The following GALNT18 variants were observed in gnomAD, a reference collection of about 807,000 sequenced individuals.
The protein encoded by GALNT18 is polypeptide N-acetylgalactosaminyltransferase 18, also known as GalNAc-transferase 18.
A neutral mutation model predicts 69.5 loss-of-function variants in GALNT18; 44 were observed. The observed-to-expected ratio is 0.63, with a 90% CI of 0.50 to 0.81. The LOEUF (loss-of-function observed/expected upper bound fraction) is 0.81. Among genes scored for constraint, GALNT18 ranks in the 40% least tolerant of loss-of-function variants. GALNT18 has a pLI of 0.00. For synonymous variants in GALNT18, 364 were observed against 318.2 expected (o/e 1.14, Z -1.53); for missense variants, 715 against 810.0 (o/e 0.88, Z 1.42).
chr11:11,484,922 C>T (rs1006655319), intron 1 of GALNT18, among the ~76,000 whole-genome samples: 4 of 152,196 alleles, frequency 2.6e-5, no homozygotes, highest in Admixed American at 6.5e-5. Context: ...CAGGCAGCCG[C>T]GACATGAGCT....
In GALNT18 at chr11:11,356,140, G is replaced by A. The variant is rs1850525101; in HGVS notation, c.1093-15136C>T. On this transcript the variant is annotated intron_variant, in intron 6 of 10. Transcript: ENST00000227756. The surrounding 1 kb of genome is among the most constrained non-coding windows in gnomAD (Gnocchi z 4.4). Reference sequence around the variant, plus strand: ...TTGCTTTACAAAGCCAAGAACATTTGTATTTGGAGATGCCCCTGACCCCTC... The same window carrying A: ...TTGCTTTACAAAGCCAAGAACATTTATATTTGGAGATGCCCCTGACCCCTC... 6.6e-6 allele frequency among the ~76,000 whole-genome samples: 1 copy of A among 152,190 alleles called. No homozygotes were observed. The highest frequency in any genetic ancestry group is 1.5e-5 in the Non-Finnish European group (1 of 68,032).
At chr11:11,423,567 A>G (rs1291523713) in intron 3 of GALNT18, among the ~76,000 whole-genome samples, 1 of 152,220 alleles carries the variant, frequency 6.6e-6, no homozygotes, top group Non-Finnish European at 1.5e-5. Context: ...TGAGGCTAGG[A>G]CACAGACACA....
chr11:11,452,116 C>G (rs1855813936), intron 1 of GALNT18, among the ~76,000 whole-genome samples: 1 of 152,192 alleles, frequency 6.6e-6, no homozygotes, highest in Non-Finnish European at 1.5e-5. Flanking sequence ...TTTTCCCGAG[C>G]CCTGTCTGCC....
chr11:11,536,121 C>T (rs1285168486), intron 1 of GALNT18, among the ~76,000 whole-genome samples: 1 of 152,162 alleles, frequency 6.6e-6, no homozygotes, highest in African/African-American at 2.4e-5. Flanking sequence ...GGGGCCTGTA[C>T]AGGAAATGAC....
intron 1 of GALNT18, among the ~76,000 whole-genome samples, chr11:11,585,459 G>A (rs1859192196): frequency 6.6e-6 from 1 of 151,030 alleles, no homozygotes; most frequent in Non-Finnish European, 1.5e-5. Flanking sequence ...AGGTTCAAAC[G>A]ATTTTCCTGC....
intron 2 of GALNT18, among the ~76,000 whole-genome samples, chr11:11,445,792 G>A (rs1424155769): frequency 6.6e-6 from 1 of 152,214 alleles, no homozygotes; most frequent in Non-Finnish European, 1.5e-5. Flanking sequence ...AAGTTGCTTG[G>A]TGCCACGGGG....
chr11:11,513,468 G>A (rs979495121), intron 1 of GALNT18, among the ~76,000 whole-genome samples: 5 of 152,162 alleles, frequency 3.3e-5, no homozygotes, highest in African/African-American at 1.2e-4. Flanking sequence ...CAAAGACGTG[G>A]GTTGTCCTTC....
Position 11,338,780 on chromosome 11 carries a change from G to A in GALNT18, c.1278+2039C>T, listed in dbSNP as rs550621429. Among the ~76,000 whole-genome samples, 492 of 152,208 alleles carry A rather than the reference G, an allele frequency of 3.2e-3. 2 individuals are homozygous for A. Among genetic ancestry groups the A allele is most frequent in the African/African-American group, 0.011 (471 of 41,522 alleles). The stretch of plus-strand genomic sequence containing the variant: ...TAGATGATATTACCCAGGGAGATGC[G>A]GAATAATGAGAGCAGTCTGCCAAGG... On this transcript the variant is annotated intron_variant, in intron 7 of 10. Coordinates refer to ENST00000227756, the MANE Select transcript of GALNT18 (RefSeq NM_198516.3). This position sits in a 1 kb window ranked among gnomAD's most constrained non-coding sequence, Gnocchi z 5.3.
intron 1 of GALNT18, among the ~76,000 whole-genome samples, chr11:11,589,072 A>C (rs997774832): frequency 2.0e-5 from 3 of 152,198 alleles, no homozygotes; most frequent in African/African-American, 7.2e-5. Flanking sequence ...GGAAGAAAAT[A>C]AACTGACTCT....
rs922532940 is a variant in GALNT18, at chr11:11,497,690, G to T, written c.236-48754C>A. Reference sequence around the variant, plus strand: ...GAGCAGCTAATAGGGTAAGCAAAAAGTTTAAAGCAGGAATCACTGAAATTG... The same window carrying T: ...GAGCAGCTAATAGGGTAAGCAAAAATTTTAAAGCAGGAATCACTGAAATTG... On this transcript the variant is annotated intron_variant, in intron 1 of 10. Coordinates refer to ENST00000227756, the MANE Select transcript of GALNT18 (RefSeq NM_198516.3). This position sits in a 1 kb window ranked among gnomAD's most constrained non-coding sequence, Gnocchi z 4.2. Among the ~76,000 whole-genome samples, 1 of 151,072 alleles carries T rather than the reference G, an allele frequency of 6.6e-6. No individual in the cohort carries two copies. Among genetic ancestry groups the T allele is most frequent in the Admixed American group, 6.6e-5 (1 of 15,140 alleles).
intron 9 of GALNT18, among the ~76,000 whole-genome samples, chr11:11,311,268 T>A (rs1849669811): frequency 6.6e-6 from 1 of 152,142 alleles, no homozygotes. Flanking sequence ...GCAAGGGACA[T>A]CATAGGAAAA....
intron 6 of GALNT18, among the ~76,000 whole-genome samples, chr11:11,365,306 T>A (rs12789760): frequency 0.24 from 36,395 of 152,010 alleles, 4,912 homozygotes; most frequent in Middle Eastern, 0.31. Context: ...TTCATCCATG[T>A]CCCCACAAAG....
chr11:11,277,310 C>T (rs1196685051), intron 10 of GALNT18, among the ~76,000 whole-genome samples: 1 of 152,104 alleles, frequency 6.6e-6, no homozygotes, highest in Non-Finnish European at 1.5e-5. Context: ...GAGGTGTTTA[C>T]AGTATTCTGA....
intron 5 of GALNT18, among the ~76,000 whole-genome samples, chr11:11,374,694 A>G (rs11827640): frequency 0.26 from 39,367 of 152,234 alleles, 5,319 homozygotes; most frequent in Middle Eastern, 0.47. Context: ...AGCATGAAAG[A>G]GTTATCGATT....
intron 6 of GALNT18, among the ~76,000 whole-genome samples, chr11:11,346,439 A>G (rs1335750956): frequency 6.6e-6 from 1 of 152,250 alleles, no homozygotes; most frequent in African/African-American, 2.4e-5. Context: ...ATTTTACTGA[A>G]CACAATGACT....
rs574882170 is a variant in GALNT18, at chr11:11,619,568, A to G, written c.235+1791T>C. ...CTTGCTCACCTCCTGCCTGACCAGAAAGAAAAGCACAAGAGAATCATTTTC... is the reference window on the plus strand; with the variant it reads ...CTTGCTCACCTCCTGCCTGACCAGAGAGAAAAGCACAAGAGAATCATTTTC... On this transcript the variant is annotated intron_variant, in intron 1 of 10. Transcript: ENST00000227756. This position sits in a 1 kb window ranked among gnomAD's most constrained non-coding sequence, Gnocchi z 4.9. Among the ~76,000 whole-genome samples, 1 of 152,242 alleles carries G rather than the reference A, an allele frequency of 6.6e-6. No individual in the cohort carries two copies. Among genetic ancestry groups the G allele is most frequent in the East Asian group, 1.9e-4 (1 of 5,176 alleles).
chr11:11,388,706 A>T (rs1854110643), intron 3 of GALNT18, among the ~76,000 whole-genome samples: 1 of 152,104 alleles, frequency 6.6e-6, no homozygotes, highest in Admixed American at 6.6e-5. Context: ...GGCTGGTCTA[A>T]CGCTCTGTGA....
intron 5 of GALNT18, among the ~76,000 whole-genome samples, chr11:11,375,075 C>T (rs754421368): frequency 1.6e-4 from 25 of 152,216 alleles, no homozygotes; most frequent in Non-Finnish European, 2.2e-4. Context: ...TAGGGAACAG[C>T]GATCACAAAG....
At chr11:11,281,737 G>A (rs1849079229) in intron 10 of GALNT18, among the ~76,000 whole-genome samples, 1 of 124,936 alleles carries the variant, frequency 8.0e-6, no homozygotes, top group Non-Finnish European at 1.8e-5. Context: ...CAGCACCCTA[G>A]AGACTAGAAG....
Sources: allele counts gnomAD v4.1 joint callset (sites outside exome capture counted in the v4.1 genomes callset), GRCh38; gene constraint gnomAD v4.1.1; non-coding constraint Gnocchi (gnomAD v3.1); transcripts MANE v1.5; gene names NCBI Gene and HGNC (gene_info 2026-07-23, HGNC 2026-07-21).